The following RBFOX1 variants were observed in gnomAD, a reference collection of about 807,000 sequenced individuals.
RBFOX1 encodes RNA binding fox-1 homolog 1, also known as RNA binding protein fox-1 homolog 1.
Under a neutral mutation model 57.7 loss-of-function variants are expected in RBFOX1, and 8 were observed. That is an observed-to-expected ratio of 0.14 (90% CI 0.08 to 0.25). The LOEUF (loss-of-function observed/expected upper bound fraction) is 0.25, where lower values mean the gene tolerates loss of function less well. Ranked by LOEUF, RBFOX1 falls within the 10% of genes least tolerant of loss-of-function variation. The probability of loss-of-function intolerance (pLI) is 1.00; values close to 1 mark genes in which losing one functional copy is unlikely to be tolerated. For missense variants in RBFOX1, 611 were observed against 548.5 expected (o/e 1.11, Z -1.14); for synonymous variants, 326 against 222.4 (o/e 1.47, Z -4.15).
Position 7,065,610 on chromosome 16 carries a change from C to CTAAT in RBFOX1, c.27+13515_27+13518dup, listed in dbSNP as rs542476531. Among the ~76,000 whole-genome samples, 392 of 152,254 alleles carry CTAAT rather than the reference C, an allele frequency of 2.6e-3. 2 individuals are homozygous for CTAAT. Among genetic ancestry groups the CTAAT allele is most frequent in the African/African-American group, 9.1e-3 (378 of 41,552 alleles). ...TACATTGTGAAATGGCTAAATTGAA[C>CTAAT]TAATTAGCATTGCATGACCTCACAT... is the stretch of plus-strand genomic sequence containing the variant. On this transcript the variant is annotated intron_variant, in intron 4 of 15. Transcript: ENST00000550418.
upstream of RBFOX1, among the ~76,000 whole-genome samples, chr16:6,018,659 CG>C (rs1356692299): frequency 1.3e-5 from 2 of 152,084 alleles, no homozygotes; most frequent in Admixed American, 1.3e-4. Context: ...TCTGCCTGGC[CG>C]GAAGATTTGA....
intron 2 of RBFOX1, among the ~76,000 whole-genome samples, chr16:6,634,713 AATAT>A (rs1241585347): frequency 7.6e-5 from 11 of 143,844 alleles, no homozygotes; most frequent in African/African-American, 2.8e-4. Flanking sequence ...ATTTGTATTA[AATAT>A]ATAATACAAA....
chr16:5,999,823 G>A (rs1442119343), intron 4 of RBFOX1, among the ~76,000 whole-genome samples: 1 of 118,566 alleles, frequency 8.4e-6, no homozygotes, highest in Non-Finnish European at 1.6e-5. Flanking sequence ...ATCGCAGATC[G>A]CACCACTGCG....
intron 3 of RBFOX1, among the ~76,000 whole-genome samples, chr16:6,966,061 C>A (rs1555689072): frequency 6.6e-6 from 1 of 152,062 alleles, no homozygotes; most frequent in Non-Finnish European, 1.5e-5. Context: ...AGAACCTGGA[C>A]TTTGAAGGTA....
At chr16:5,877,244 AGAAAG>A (rs2057636840) in intron 4 of RBFOX1, among the ~76,000 whole-genome samples, 1 of 152,252 alleles carries the variant, frequency 6.6e-6, no homozygotes. Flanking sequence ...GCATTTATTC[AGAAAG>A]TCAGAGAGTT....
Position 5,558,202 on chromosome 16 carries a change from C to T in RBFOX1, c.259-40700C>T, listed in dbSNP as rs549055599. On this transcript the variant is annotated intron_variant, in intron 2 of 2. Transcript: ENST00000585867. ...ATACAGAAGGCTGTCACACTAGCCC[C>T]CCTGCCCTTGTGATAAGGCCGAGGG... Among the ~76,000 whole-genome samples the T allele has an allele frequency of 5.9e-5, 9 of 152,302 alleles. No homozygotes were observed. The South Asian group carries it at 1.0e-3, about 18-fold the overall frequency.
Position 6,960,265 on chromosome 16 carries a change from A to C in RBFOX1, c.-15-91792A>C, listed in dbSNP as rs150238945. On this transcript the variant is annotated intron_variant, in intron 3 of 15. Transcript: ENST00000550418. ...GTAAATTTACTGAGGCTGCAGAGGA[A>C]GGTCTTCAGGCCTCAGATCTTATAG... 1.0e-3 allele frequency among the ~76,000 whole-genome samples: 157 copies of C among 152,298 alleles called. 2 individuals are homozygous for C. The highest frequency in any genetic ancestry group is 3.4e-3 in the Middle Eastern group (1 of 294).
In RBFOX1 at chr16:5,310,839, T is replaced by G. The variant is rs192597535; in HGVS notation, c.219+70734T>G. On this transcript the variant is annotated intron_variant, in intron 1 of 2. Transcript: ENST00000585867. Reference sequence around the variant, plus strand: ...GTACAAATGAAGTACACTCTTTTCTTTAAAATTTTTAAAAATTTCAATAGC... The same window carrying G: ...GTACAAATGAAGTACACTCTTTTCTGTAAAATTTTTAAAAATTTCAATAGC... 5.9e-3 allele frequency among the ~76,000 whole-genome samples: 904 copies of G among 152,362 alleles called. 7 individuals carry two copies. Among genetic ancestry groups the G allele is most frequent in the African/African-American group, 0.021 (859 of 41,582 alleles).
intron 4 of RBFOX1, among the ~76,000 whole-genome samples, chr16:7,256,105 G>A (rs545643006): frequency 1.3e-5 from 2 of 152,328 alleles, no homozygotes; most frequent in East Asian, 3.9e-4. Context: ...TTAATAGGGA[G>A]TGGTGAGCTT....
chr16:6,066,236 A>T (rs1174364396), intron 1 of RBFOX1, among the ~76,000 whole-genome samples: 3 of 137,100 alleles, frequency 2.2e-5, no homozygotes, highest in African/African-American at 8.4e-5. Flanking sequence ...TGGAGGTTGC[A>T]GTGATCCAAG....
chr16:7,253,099 C>T (rs1603449229), intron 4 of RBFOX1, among the ~76,000 whole-genome samples: 1 of 152,186 alleles, frequency 6.6e-6, no homozygotes, highest in Non-Finnish European at 1.5e-5. Flanking sequence ...CATCACTGGA[C>T]ACAGCAAACA....
chr16:7,343,630 T>C (rs757417403), intron 4 of RBFOX1, among the ~76,000 whole-genome samples: 21 of 152,124 alleles, frequency 1.4e-4, no homozygotes, highest in Admixed American at 6.5e-5. Flanking sequence ...TATGAGGCTG[T>C]GTGTGAGGGG....
At chr16:5,784,628 C>T (rs1488799725) in intron 3 of RBFOX1, among the ~76,000 whole-genome samples, 3 of 152,182 alleles carry the variant, frequency 2.0e-5, no homozygotes, top group Admixed American at 2.0e-4. Context: ...GGCCCCACCT[C>T]CAGCCCTGTT....
intron 3 of RBFOX1, among the ~76,000 whole-genome samples, chr16:5,852,919 A>G (rs914591158): frequency 2.0e-5 from 3 of 152,128 alleles, no homozygotes; most frequent in Non-Finnish European, 2.9e-5. Context: ...ACATTGCACT[A>G]CTGCCCCTCC....
intron 11 of RBFOX1, among the ~76,000 whole-genome samples, chr16:7,641,106 T>C (rs1181127643): frequency 6.6e-6 from 1 of 152,072 alleles, no homozygotes. Context: ...AGGAACAGCT[T>C]AGGAAGGGAG....
intron 4 of RBFOX1, among the ~76,000 whole-genome samples, chr16:7,320,926 T>A (rs2096533486): frequency 6.6e-6 from 1 of 152,184 alleles, no homozygotes. Flanking sequence ...AGCCAGGGAT[T>A]TTCAGAGCCC....
chr16:7,193,338 T>A (rs1447687752), intron 4 of RBFOX1, among the ~76,000 whole-genome samples: 1 of 152,198 alleles, frequency 6.6e-6, no homozygotes, highest in African/African-American at 2.4e-5. Flanking sequence ...ACTCAGATTC[T>A]TCCCTAGAAC....
chr16:7,382,947 C>G (rs186311407), intron 4 of RBFOX1, among the ~76,000 whole-genome samples: 18 of 152,210 alleles, frequency 1.2e-4, no homozygotes, highest in Non-Finnish European at 1.8e-4. Context: ...GTAAAGGGTT[C>G]CACATTGAAG....
intron 1 of RBFOX1, among the ~76,000 whole-genome samples, chr16:5,374,632 G>C (rs1471191959): frequency 1.3e-5 from 2 of 151,934 alleles, no homozygotes; most frequent in East Asian, 1.9e-4. Context: ...TAATCCATTA[G>C]AGAGAGAGGG....
Sources: gnomAD v4.1 joint callset for allele counts (sites outside exome capture counted in the v4.1 genomes callset) on GRCh38, gnomAD v4.1.1 for gene constraint, MANE v1.5 for transcripts, NCBI Gene and HGNC (gene_info 2026-07-23, HGNC 2026-07-21) for gene names.